Variants in SEMA6D observed in about 807,000 individuals in gnomAD.
SEMA6D encodes semaphorin-6D.
Under a neutral mutation model 106.6 loss-of-function variants are expected in SEMA6D, and 35 were observed. That is an observed-to-expected ratio of 0.33 (90% confidence interval 0.25 to 0.44). The LOEUF (loss-of-function observed/expected upper bound fraction) is 0.44. SEMA6D is among the 20% of genes least tolerant of loss of function. SEMA6D has a pLI of 1.00. For missense variants in SEMA6D, 1,185 were observed against 1,345.9 expected (o/e 0.88, Z 1.87); for synonymous variants, 499 against 487.7 (o/e 1.02, Z -0.31).
intron 1 of SEMA6D, chr15:47,730,932 G>A: frequency 1.3e-6 from 1 of 743,668 alleles, no homozygotes; most frequent in South Asian, 1.4e-5. Context: ...TTTCCTTTCA[G>A]CATCTTGGGC....
intron 4 of SEMA6D, among the ~76,000 whole-genome samples, chr15:47,629,952 G>A (rs1205166616): frequency 6.6e-6 from 1 of 151,858 alleles, no homozygotes; most frequent in East Asian, 1.9e-4. Flanking sequence ...TTCATTAATT[G>A]ATGGACATTT....
chr15:47,642,121 C>T (rs899912748), intron 4 of SEMA6D, among the ~76,000 whole-genome samples: 3 of 152,194 alleles, frequency 2.0e-5, no homozygotes, highest in Non-Finnish European at 4.4e-5. Flanking sequence ...ATAATGACAG[C>T]ATCAAATCTT....
intron 1 of SEMA6D, among the ~76,000 whole-genome samples, chr15:47,243,435 A>AC (rs1404107283): frequency 1.3e-5 from 2 of 152,046 alleles, no homozygotes; most frequent in African/African-American, 4.8e-5. Context: ...TGAAAAAAAA[A>AC]AAGGCTTGTA....
At chr15:47,701,299 G>A (rs1232417598) in intron 4 of SEMA6D, among the ~76,000 whole-genome samples, 2 of 152,084 alleles carry the variant, frequency 1.3e-5, no homozygotes, top group East Asian at 1.9e-4. Context: ...TCATCTGTAT[G>A]TGAAATCTAA....
At chr15:47,195,912 G>A (rs1010684912) in intron 1 of SEMA6D, among the ~76,000 whole-genome samples, 2 of 140,330 alleles carry the variant, frequency 1.4e-5, no homozygotes, top group African/African-American at 2.7e-5. Flanking sequence ...GTGGGTGAGC[G>A]TGTGGATGAA....
chr15:47,360,559 G>C (rs1286543017), intron 1 of SEMA6D, among the ~76,000 whole-genome samples: 1 of 152,232 alleles, frequency 6.6e-6, no homozygotes, highest in East Asian at 1.9e-4. Context: ...GAAGGACAGT[G>C]CTTCATGAGA....
intron 1 of SEMA6D, among the ~76,000 whole-genome samples, chr15:47,307,325 C>T (rs892207525): frequency 1.3e-5 from 2 of 152,130 alleles, no homozygotes; most frequent in African/African-American, 2.4e-5. Context: ...GAATTAGTCT[C>T]GTCACTTTTT....
intron 1 of SEMA6D, among the ~76,000 whole-genome samples, chr15:47,391,659 AT>A (rs36039887): frequency 0.23 from 32,866 of 145,794 alleles, 3,751 homozygotes; most frequent in Middle Eastern, 0.34. Flanking sequence ...ACAACTATTG[AT>A]TTTTTTTTTT....
intron 1 of SEMA6D, among the ~76,000 whole-genome samples, chr15:47,234,667 A>G (rs1322799567): frequency 2.0e-5 from 3 of 152,068 alleles, no homozygotes; most frequent in Non-Finnish European, 4.4e-5. Context: ...GTTGTTGCAA[A>G]AGACATTAGT....
intron 3 of SEMA6D, among the ~76,000 whole-genome samples, chr15:47,524,227 T>G (rs2044680364): frequency 6.6e-6 from 1 of 152,180 alleles, no homozygotes; most frequent in African/African-American, 2.4e-5. Context: ...TGGATGGAAC[T>G]GCCTAAAGGT....
In SEMA6D at chr15:47,764,038, G is replaced by T; in HGVS notation, c.936G>T (p.Val312=). The part of the protein sequence containing the change: ...DIIQINGIPT[V]VGVFTTQLNS... ...TACAAATCAATGGCATCCCCACTGTGGTCGGGGTGTTTACCACGCAGCTCA... is the reference window on the plus strand; with the variant it reads ...TACAAATCAATGGCATCCCCACTGTTGTCGGGGTGTTTACCACGCAGCTCA... The change falls in exon 10 of 19, where the codon GTG becomes GTT. Residue 312 remains valine, a synonymous_variant. Transcript: ENST00000536845. 1.9e-6 allele frequency: 3 copies of T among 1,613,882 alleles called. No homozygotes were observed. Among genetic ancestry groups the T allele is most frequent in the Non-Finnish European group, 2.5e-6 (3 of 1,179,856 alleles).
At chr15:47,569,782 C>T (rs1057154473) in intron 3 of SEMA6D, among the ~76,000 whole-genome samples, 2 of 152,006 alleles carry the variant, frequency 1.3e-5, no homozygotes, top group African/African-American at 4.8e-5. Context: ...GATTTGAGGC[C>T]AGGCGCAGTG....
intron 4 of SEMA6D, among the ~76,000 whole-genome samples, chr15:47,613,207 C>T (rs751493184): frequency 2.6e-5 from 4 of 152,192 alleles, no homozygotes; most frequent in Non-Finnish European, 4.4e-5. Flanking sequence ...TATTTCACCT[C>T]AACTCACTCT....
At chr15:47,713,749 G>A (rs1365474075), upstream of SEMA6D, among the ~76,000 whole-genome samples, 1 of 152,172 alleles carries the variant, frequency 6.6e-6, no homozygotes, top group East Asian at 1.9e-4. Flanking sequence ...ACTGGATAGT[G>A]AGTGGTGTGT....
At chr15:47,283,108 G>T (rs749108224) in intron 1 of SEMA6D, among the ~76,000 whole-genome samples, 7 of 152,028 alleles carry the variant, frequency 4.6e-5, no homozygotes, top group Non-Finnish European at 8.8e-5. Flanking sequence ...CTTCACAGTG[G>T]TTTCCTTTCT....
chr15:47,688,254 A>T (rs889639641), intron 4 of SEMA6D, among the ~76,000 whole-genome samples: 2 of 152,164 alleles, frequency 1.3e-5, no homozygotes, highest in East Asian at 3.9e-4. Context: ...ATTCTCCTTG[A>T]AGCTGATCAG....
At chr15:47,216,473 G>T (rs1314840490) in intron 1 of SEMA6D, among the ~76,000 whole-genome samples, 1 of 152,088 alleles carries the variant, frequency 6.6e-6, no homozygotes, top group East Asian at 1.9e-4. Context: ...AGCATAACCA[G>T]AACGTATTCT....
chr15:47,267,660 G>A (rs2034381910), intron 1 of SEMA6D, among the ~76,000 whole-genome samples: 1 of 152,064 alleles, frequency 6.6e-6, no homozygotes, highest in African/African-American at 2.4e-5. Flanking sequence ...ATATCTGACT[G>A]TATTTTGGTT....
upstream of SEMA6D, among the ~76,000 whole-genome samples, chr15:47,714,506 C>A (rs577244762): frequency 2.6e-5 from 4 of 152,284 alleles, no homozygotes; most frequent in East Asian, 7.7e-4. Flanking sequence ...ATTACACACA[C>A]AGATTTTCTG....
Sources: gnomAD v4.1 joint callset for allele counts (sites outside exome capture counted in the v4.1 genomes callset) on GRCh38, gnomAD v4.1.1 for gene constraint, MANE v1.5 for transcripts, NCBI Gene and HGNC (gene_info 2026-07-23, HGNC 2026-07-21) for gene names.